Variants in FRMD4B observed in about 807,000 individuals in gnomAD.
The protein encoded by FRMD4B is FERM domain-containing protein 4B.
In FRMD4B, 74 loss-of-function variants were observed where a neutral mutation model predicts 141.5. That is an observed-to-expected ratio of 0.52 (90% CI 0.43 to 0.63). The LOEUF (loss-of-function observed/expected upper bound fraction) is 0.63. Among genes scored for constraint, FRMD4B ranks in the 30% least tolerant of loss-of-function variants. FRMD4B has a pLI of 0.00. For missense variants in FRMD4B, 1,366 were observed against 1,253.4 expected, an observed-to-expected ratio of 1.09 and a Z score of -1.36; for synonymous variants, 506 against 467.9, an observed-to-expected ratio of 1.08 and a Z score of -1.05.
At chr3:69,471,581 C>A in intron 1 of FRMD4B, 2 of 225,272 alleles carry the variant, frequency 8.9e-6, no homozygotes, top group South Asian at 1.7e-4. Context: ...CTTAATTGTT[C>A]ATATGCCCAT....
chr3:69,193,338 A>G (rs773984247), intron 17 of FRMD4B, among the ~76,000 whole-genome samples: 6 of 152,042 alleles, frequency 3.9e-5, no homozygotes, highest in African/African-American at 9.7e-5. Flanking sequence ...GTGAAACCCT[A>G]TCTCTACCAA....
intron 1 of FRMD4B, among the ~76,000 whole-genome samples, chr3:69,344,214 G>C (rs1702850138): frequency 6.6e-6 from 1 of 152,144 alleles, no homozygotes; most frequent in Non-Finnish European, 1.5e-5. Context: ...TTCCAACCTT[G>C]CCGTACTTAG....
chr3:69,211,242 G>A (rs2107706910), intron 11 of FRMD4B, among the ~76,000 whole-genome samples: 1 of 152,192 alleles, frequency 6.6e-6, no homozygotes, highest in South Asian at 2.1e-4. Flanking sequence ...CACAGTTGGT[G>A]GCAATACCCT....
At chr3:69,535,707 G>A in intron 1 of FRMD4B, 2 of 397,712 alleles carry the variant, frequency 5.0e-6, no homozygotes, top group Admixed American at 3.0e-5. Context: ...AGACCGTAAT[G>A]GGCAGTCCAG....
intron 2 of FRMD4B, among the ~76,000 whole-genome samples, chr3:69,391,595 TATAGAAAAA>T (rs1704384964): frequency 1.3e-5 from 2 of 152,112 alleles, no homozygotes. Context: ...TTGGCATGTT[TATAGAAAAA>T]ATTCCCCCCA....
At chr3:69,343,485 C>T (rs763733309) in intron 1 of FRMD4B, among the ~76,000 whole-genome samples, 2 of 151,956 alleles carry the variant, frequency 1.3e-5, no homozygotes, top group African/African-American at 4.8e-5. Context: ...CAATTCCTAC[C>T]TGGATATACC....
chr3:69,219,261 T>C (rs145823223), intron 9 of FRMD4B, among the ~76,000 whole-genome samples: 3 of 152,188 alleles, frequency 2.0e-5, no homozygotes, highest in Non-Finnish European at 2.9e-5. Context: ...CCTTTAAGGC[T>C]TTGGGGTGGA....
At chr3:69,431,165 G>A (rs916871452) in intron 2 of FRMD4B, among the ~76,000 whole-genome samples, 3 of 152,206 alleles carry the variant, frequency 2.0e-5, no homozygotes, top group African/African-American at 7.2e-5. Context: ...CTGGGACCAG[G>A]TCAAGTCTAG....
At chr3:69,515,082 T>G (rs1700729642) in intron 1 of FRMD4B, among the ~76,000 whole-genome samples, 1 of 152,108 alleles carries the variant, frequency 6.6e-6, no homozygotes, top group Admixed American at 6.6e-5. Flanking sequence ...CAAATGATCT[T>G]CAACAAGGAG....
At chr3:69,215,482 G>A (rs557111155) in intron 11 of FRMD4B, among the ~76,000 whole-genome samples, 10 of 151,292 alleles carry the variant, frequency 6.6e-5, no homozygotes, top group African/African-American at 1.7e-4. Flanking sequence ...TAGTAGAGAC[G>A]GGGTTACACC....
intron 1 of FRMD4B, among the ~76,000 whole-genome samples, chr3:69,449,301 T>C (rs1463510981): frequency 6.6e-6 from 1 of 152,240 alleles, no homozygotes; most frequent in Non-Finnish European, 1.5e-5. Flanking sequence ...AAGTCCTGCA[T>C]GAAGACGTGC....
At chr3:69,250,837 C>T (rs546088137) in intron 5 of FRMD4B, among the ~76,000 whole-genome samples, 7 of 151,352 alleles carry the variant, frequency 4.6e-5, no homozygotes, top group African/African-American at 1.7e-4. Context: ...CCCATAATCC[C>T]AGTACTCTGG....
chr3:69,532,497 T>C (rs185361799), intron 1 of FRMD4B, among the ~76,000 whole-genome samples: 1 of 152,338 alleles, frequency 6.6e-6, no homozygotes, highest in Admixed American at 6.5e-5. Context: ...GGATCTCAAG[T>C]GTCAATACCC....
chr3:69,317,043 G>A (rs1701825105), intron 1 of FRMD4B, among the ~76,000 whole-genome samples: 1 of 151,780 alleles, frequency 6.6e-6, no homozygotes, highest in South Asian at 2.1e-4. Context: ...TTGCATAACT[G>A]CACTCCAGCC....
intron 18 of FRMD4B, among the ~76,000 whole-genome samples, chr3:69,188,612 C>G (rs2092796507): frequency 6.6e-6 from 1 of 151,480 alleles, no homozygotes; most frequent in Non-Finnish European, 1.5e-5. Context: ...AAAAAATTAG[C>G]CGGGCGCGGT....
intron 20 of FRMD4B, 133 bp from the exon 21 acceptor site, chr3:69,181,843 G>A: frequency 3.3e-6 from 2 of 614,788 alleles, no homozygotes; most frequent in Non-Finnish European, 5.7e-6. Context: ...AAAGCTGACT[G>A]CACAATAGAA....
intron 5 of FRMD4B, among the ~76,000 whole-genome samples, chr3:69,253,030 C>T (rs1350260805): frequency 6.6e-6 from 1 of 152,106 alleles, no homozygotes; most frequent in East Asian, 1.9e-4. Context: ...AGGTGCCACA[C>T]AGGACATCTC....
chr3:69,209,012 C>A (rs1010555718), intron 11 of FRMD4B, among the ~76,000 whole-genome samples: 2 of 152,014 alleles, frequency 1.3e-5, no homozygotes, highest in Non-Finnish European at 2.9e-5. Context: ...GGCGTGGTGG[C>A]GTGCGCCTGT....
chr3:69,506,699 A>G (rs1439892733), intron 1 of FRMD4B, among the ~76,000 whole-genome samples: 1 of 151,882 alleles, frequency 6.6e-6, no homozygotes, highest in East Asian at 1.9e-4. Context: ...ACACCCAGCT[A>G]CAGCTAATTT....
Sources: allele counts gnomAD v4.1 joint callset (sites outside exome capture counted in the v4.1 genomes callset), GRCh38; gene constraint gnomAD v4.1.1; transcripts MANE v1.5; gene names NCBI Gene and HGNC (gene_info 2026-07-23, HGNC 2026-07-21).